The following ASH1L variants were observed in gnomAD, a reference collection of about 807,000 sequenced individuals.
ASH1L encodes ASH1 like histone lysine methyltransferase.
Under a neutral mutation model 269.0 loss-of-function variants are expected in ASH1L, and 23 were observed. The observed-to-expected ratio is 0.09, with a 90% CI of 0.06 to 0.12. The LOEUF (loss-of-function observed/expected upper bound fraction) is 0.12, where lower values mean the gene tolerates loss of function less well. Ranked by LOEUF, ASH1L falls within the 10% of genes least tolerant of loss-of-function variation. The probability of loss-of-function intolerance (pLI) is 1.00; values close to 1 mark genes in which losing one functional copy is unlikely to be tolerated. For missense variants in ASH1L, 2,912 were observed against 3,567.8 expected (o/e 0.82, Z 4.68); for synonymous variants, 1,187 against 1,253.5 (o/e 0.95, Z 1.12).
At chr1:155,388,095 A>G (rs1657591575) in intron 7 of ASH1L, among the ~76,000 whole-genome samples, 1 of 152,138 alleles carries the variant, frequency 6.6e-6, no homozygotes, top group Admixed American at 6.6e-5. Context: ...GTGAAAGTTG[A>G]TTAGACAAAA....
At position 155,359,831 on chromosome 1, in the gene ASH1L, A is replaced by G. The variant is rs565211874; in HGVS notation, c.6795+470T>C. ...AGACTACAAGTAATCCGCTTGCCTC[A>G]GCCTCACAAAGTGCTGGGATTACAG... On this transcript the variant is annotated intron_variant, in intron 13 of 27. Transcript: ENST00000392403. Among the ~76,000 whole-genome samples, 164 of 151,514 alleles carry G rather than the reference A, an allele frequency of 1.1e-3. 1 individual carries two copies. Among genetic ancestry groups the G allele is most frequent in the African/African-American group, 3.8e-3 (155 of 41,230 alleles).
intron 5 of ASH1L, among the ~76,000 whole-genome samples, chr1:155,436,491 CTTTTTTT>C (rs60270333): frequency 7.4e-5 from 6 of 80,562 alleles, no homozygotes; most frequent in East Asian, 5.0e-4. Flanking sequence ...CATGCGTGGA[CTTTTTTT>C]TTTTTTTTTT....
chr1:155,451,629 G>A (rs1467990176), intron 4 of ASH1L, among the ~76,000 whole-genome samples: 1 of 151,978 alleles, frequency 6.6e-6, no homozygotes, highest in Non-Finnish European at 1.5e-5. Context: ...CGTGGTGGTG[G>A]ACACCTGTAA....
chr1:155,562,718 C>T lies in ASH1L; in HGVS notation c.-665G>A, dbSNP rs1182698801. 1 of 1,412,772 alleles carries T rather than the reference C, an allele frequency of 7.1e-7. No homozygotes were observed. The highest frequency in any genetic ancestry group is 2.5e-5 in the East Asian group (1 of 39,782). 87.5% of individuals were successfully genotyped at this position (1,412,772 alleles called of 1,614,324 possible). On this transcript the variant is annotated 5_prime_UTR_variant, in exon 1 of 28. Transcript: ENST00000392403. ...GCTCACCCACAGGAACCCCCTCGTCCAGTCCCTCACTACCCCTCAGGCCCT... is the reference window on the plus strand; with the variant it reads ...GCTCACCCACAGGAACCCCCTCGTCTAGTCCCTCACTACCCCTCAGGCCCT...
At chr1:155,542,456 G>A (rs1670489595) in intron 1 of ASH1L, among the ~76,000 whole-genome samples, 1 of 151,842 alleles carries the variant, frequency 6.6e-6, no homozygotes, top group Admixed American at 6.6e-5. Flanking sequence ...GGCTGAGGCA[G>A]GAGAATGGCG....
chr1:155,472,635 G>C (rs560931003), intron 3 of ASH1L, among the ~76,000 whole-genome samples: 1 of 152,238 alleles, frequency 6.6e-6, no homozygotes, highest in Admixed American at 6.5e-5. Flanking sequence ...AAAACAGTGA[G>C]GACTGTGGCG....
Position 155,344,000 on chromosome 1 carries a change from T to C in ASH1L, c.7981+183A>G, listed in dbSNP as rs1653022085. Among the ~76,000 whole-genome samples, 2 of 152,218 alleles carry C rather than the reference T, an allele frequency of 1.3e-5. No individual in the cohort carries two copies. The highest frequency in any genetic ancestry group is 1.3e-4 in the Admixed American group (2 of 15,280). On this transcript the variant is annotated intron_variant, in intron 22 of 27. Transcript: ENST00000392403. This position sits in a 1 kb window ranked among gnomAD's most constrained non-coding sequence, Gnocchi z 6.1. The stretch of plus-strand genomic sequence containing the variant: ...TTAGCTTTGTAACATGTCTATCATT[T>C]CAAATTAGTATTATTTGGTGGAGAG...
At chr1:155,455,198 TAACA>T (rs1202287045) in intron 4 of ASH1L, among the ~76,000 whole-genome samples, 3 of 152,302 alleles carry the variant, frequency 2.0e-5, no homozygotes, top group Admixed American at 6.5e-5. Context: ...ATGTAAACTT[TAACA>T]GAGTATTTGC....
At chr1:155,348,628 T>C (rs1248650080) in intron 19 of ASH1L, among the ~76,000 whole-genome samples, 1 of 152,024 alleles carries the variant, frequency 6.6e-6, no homozygotes, top group African/African-American at 2.4e-5. Context: ...ACGCCTGTAA[T>C]CCCAACACTC....
At chr1:155,454,179 C>A (rs925958379) in intron 4 of ASH1L, among the ~76,000 whole-genome samples, 1 of 152,154 alleles carries the variant, frequency 6.6e-6, no homozygotes, top group Non-Finnish European at 1.5e-5. Context: ...TACTCTAATT[C>A]CCACTAGTCT....
chr1:155,415,480 T>C (rs1370419619), intron 6 of ASH1L, among the ~76,000 whole-genome samples: 1 of 151,882 alleles, frequency 6.6e-6, no homozygotes, highest in Non-Finnish European at 1.5e-5. Context: ...ACAATTAGTC[T>C]CATACAACAT....
At chr1:155,443,979 C>CTTTTTTTTT (rs60206113) in intron 4 of ASH1L, among the ~76,000 whole-genome samples, 7 of 105,754 alleles carry the variant, frequency 6.6e-5, no homozygotes, top group East Asian at 2.6e-4. Context: ...ATTACTAAAT[C>CTTTTTTTTT]TTTTTTTTTT....
intron 3 of ASH1L, among the ~76,000 whole-genome samples, chr1:155,471,598 A>AG (rs1293802141): frequency 6.6e-6 from 1 of 152,244 alleles, no homozygotes; most frequent in African/African-American, 2.4e-5. Context: ...AAAGGCATGG[A>AG]GGTCTGTGGA....
At chr1:155,418,105 T>A (rs866289077) in intron 5 of ASH1L, among the ~76,000 whole-genome samples, 1 of 152,078 alleles carries the variant, frequency 6.6e-6, no homozygotes, top group Non-Finnish European at 1.5e-5. Context: ...TAATGCGACA[T>A]CACAATGTCT....
chr1:155,561,932 C>G lies in ASH1L; in HGVS notation c.-100+221G>C, dbSNP rs528281685. 6.4e-6 allele frequency: 3 copies of G among 471,894 alleles called. No homozygotes were observed. In the East Asian group the frequency reaches 1.2e-4, roughly 18 times the overall value. The allele number at this position is 471,894 out of a possible 1,614,324, so 29.2% of individuals were successfully genotyped here. A position where few individuals can be genotyped will look rare whatever the true frequency, so the allele number is the denominator to read the frequency against. Reference sequence around the variant, plus strand: ...CCGCCTCCACTCGCTTACTTCCCAGCCCCCTCCGGGAGTCTGCCTGTCAGG... The same window carrying G: ...CCGCCTCCACTCGCTTACTTCCCAGGCCCCTCCGGGAGTCTGCCTGTCAGG... On this transcript the variant is annotated intron_variant, in intron 1 of 27. Transcript: ENST00000392403.
At chr1:155,559,392 G>A (rs1671808193) in intron 1 of ASH1L, among the ~76,000 whole-genome samples, 1 of 151,942 alleles carries the variant, frequency 6.6e-6, no homozygotes, top group South Asian at 2.1e-4. Flanking sequence ...AAAATTAGCA[G>A]GGCATGGTGG....
intron 10 of ASH1L, among the ~76,000 whole-genome samples, chr1:155,374,099 C>T (rs1054401632): frequency 1.1e-4 from 16 of 152,094 alleles, no homozygotes; most frequent in Admixed American, 2.6e-4. Flanking sequence ...GGGGCAGAGG[C>T]GGGAGGATCA....
At chr1:155,388,063 C>G (rs1292690306) in intron 7 of ASH1L, among the ~76,000 whole-genome samples, 1 of 152,074 alleles carries the variant, frequency 6.6e-6, no homozygotes, top group African/African-American at 2.4e-5. Flanking sequence ...TGGGTGTTTG[C>G]TGGTGTAAGT....
At chr1:155,558,251 C>A (rs1307067041) in intron 1 of ASH1L, among the ~76,000 whole-genome samples, 1 of 152,002 alleles carries the variant, frequency 6.6e-6, no homozygotes, top group Non-Finnish European at 1.5e-5. Flanking sequence ...GGTGGATCAC[C>A]AGAGGTCAGG....
Sources: gnomAD v4.1 joint callset for allele counts (sites outside exome capture counted in the v4.1 genomes callset) on GRCh38, gnomAD v4.1.1 for gene constraint, Gnocchi (gnomAD v3.1) non-coding constraint, MANE v1.5 for transcripts, NCBI Gene and HGNC (gene_info 2026-07-23, HGNC 2026-07-21) for gene names.